Variants in TAFA5 observed in about 807,000 individuals in gnomAD.
The protein encoded by TAFA5 is TAFA chemokine like family member 5.
TAFA5 carries 6 observed loss-of-function variants against 15.3 expected under a neutral mutation model. The observed-to-expected ratio is 0.39, with a 90% CI of 0.21 to 0.77. The LOEUF is 0.77. Ranked by LOEUF, TAFA5 falls within the 30% of genes least tolerant of loss-of-function variation. The pLI, the probability that TAFA5 is intolerant of heterozygous loss-of-function variation, is 0.41. For missense variants in TAFA5, 161 were observed against 193.1 expected (o/e 0.83, Z 0.98); for synonymous variants, 103 against 80.7 (o/e 1.28, Z -1.48).
At position 48,751,388 on chromosome 22, in the gene TAFA5, C is replaced by T. The variant is rs371616960; in HGVS notation, c.*1541C>T. 13 of 152,540 alleles carry T rather than the reference C, an allele frequency of 8.5e-5. No homozygotes were observed. The highest frequency in any genetic ancestry group is 2.6e-4 in the African/African-American group (11 of 41,542). The allele number at this position is 152,540 out of a possible 1,614,324, so 9.4% of individuals were successfully genotyped here. On this transcript the variant is annotated 3_prime_UTR_variant, in exon 4 of 4. Coordinates refer to ENST00000402357, the MANE Select transcript of TAFA5 (RefSeq NM_001082967.3). ...ACAATTCTGGTTTTTCTCCCCTGGC[C>T]GTCGTTCGCCAGCCTCCTTCATTTT...
chr22:48,523,888 G>A (rs1226281138), intron 1 of TAFA5, among the ~76,000 whole-genome samples: 1 of 152,128 alleles, frequency 6.6e-6, no homozygotes. Context: ...GGCGGCTGGC[G>A]CTGGCCTTTG....
At chr22:48,584,843 GCA>G (rs918627568) in intron 1 of TAFA5, among the ~76,000 whole-genome samples, 3 of 139,596 alleles carry the variant, frequency 2.1e-5, no homozygotes, top group African/African-American at 8.2e-5. Context: ...ACAACACACA[GCA>G]CACAACACGC....
chr22:48,693,109 T>C lies in TAFA5; in HGVS notation c.263-14608T>C, dbSNP rs187019026. ...CTGCCCTTCGACCCTGTCCGCCCAC[T>C]CGGATTCCCAGTAGCTGAGCGCAGG... On this transcript the variant is annotated intron_variant, in intron 2 of 3. Transcript: ENST00000402357. 3,171 of 625,522 alleles carry C rather than the reference T, an allele frequency of 5.1e-3. 13 individuals carry two copies. Among genetic ancestry groups the C allele is most frequent in the Non-Finnish European group, 6.3e-3 (2,278 of 363,044 alleles). 38.7% of individuals were successfully genotyped at this position (625,522 alleles called of 1,614,324 possible). A position where few individuals can be genotyped will look rare whatever the true frequency, so the allele number is the denominator to read the frequency against.
chr22:48,654,058 G>A lies in TAFA5; in HGVS notation c.262+7312G>A, dbSNP rs139726860. 2.1e-3 allele frequency among the ~76,000 whole-genome samples: 327 copies of A among 152,216 alleles called. 1 individual carries two copies. The highest frequency in any genetic ancestry group is 0.014 in the Middle Eastern group (4 of 294). On this transcript the variant is annotated intron_variant, in intron 2 of 3. Coordinates refer to ENST00000402357, the MANE Select transcript of TAFA5 (RefSeq NM_001082967.3). ...CCTTGCTCTAGCCTCTCCATGTCCC[G>A]TCACGTCGGCACGGTGGCTCTGCAG...
At chr22:48,496,375 C>T (rs1252475250) in intron 1 of TAFA5, among the ~76,000 whole-genome samples, 1 of 151,802 alleles carries the variant, frequency 6.6e-6, no homozygotes, top group Non-Finnish European at 1.5e-5. Context: ...TGACTGTGGG[C>T]TCTCTGGACA....
intron 1 of TAFA5, among the ~76,000 whole-genome samples, chr22:48,493,725 G>A (rs1027790104): frequency 6.6e-6 from 1 of 152,110 alleles, no homozygotes; most frequent in African/African-American, 2.4e-5. Context: ...TCTTTTAGCC[G>A]ACATCCATGC....
At position 48,622,733 on chromosome 22, in the gene TAFA5, G is replaced by A. The variant is rs17763975; in HGVS notation, c.113-23864G>A. On this transcript the variant is annotated intron_variant, in intron 1 of 3. Transcript: ENST00000402357. The stretch of plus-strand genomic sequence containing the variant: ...TTCCCGGAGGAGGTGGTATCGATGC[G>A]GGACAGCCCACGCTGCAGGCTCAGC... 5.8e-3 allele frequency among the ~76,000 whole-genome samples: 883 copies of A among 152,328 alleles called. 6 individuals are homozygous for A. Among genetic ancestry groups the A allele is most frequent in the Non-Finnish European group, 9.0e-3 (611 of 68,032 alleles).
chr22:48,689,493 C>T lies in TAFA5; in HGVS notation c.263-18224C>T, dbSNP rs563120719. ...CCAGAAGCACAGGGTCGGGTTCTGA[C>T]GCCTGAGGAACCTGCGCAGACTTGA... On this transcript the variant is annotated intron_variant, in intron 2 of 3. Transcript: ENST00000402357. 1.7e-3 allele frequency among the ~76,000 whole-genome samples: 256 copies of T among 152,288 alleles called. 2 individuals carry two copies. Among genetic ancestry groups the T allele is most frequent in the Non-Finnish European group, 3.0e-3 (201 of 68,020 alleles).
intron 3 of TAFA5, among the ~76,000 whole-genome samples, chr22:48,713,728 T>C (rs1363027283): frequency 6.6e-6 from 1 of 152,198 alleles, no homozygotes; most frequent in Non-Finnish European, 1.5e-5. Context: ...ACAGCCCCTG[T>C]CCCAGTGGAT....
At chr22:48,534,862 C>T (rs1922098788) in intron 1 of TAFA5, among the ~76,000 whole-genome samples, 1 of 152,000 alleles carries the variant, frequency 6.6e-6, no homozygotes, top group Non-Finnish European at 1.5e-5. Flanking sequence ...GGAGGCTTGG[C>T]CGTGGAGGGA....
intron 2 of TAFA5, among the ~76,000 whole-genome samples, chr22:48,679,075 T>TCTCCCGGCTCCGC: frequency 1.6e-5 from 1 of 62,678 alleles, no homozygotes; most frequent in East Asian, 6.2e-4. Flanking sequence ...CCCGTCTCCC[T>TCTCCCGGCTCCGC]GTCCATCCCT....
intron 1 of TAFA5, among the ~76,000 whole-genome samples, chr22:48,571,301 A>G (rs1171017510): frequency 2.8e-5 from 4 of 143,466 alleles, no homozygotes; most frequent in African/African-American, 1.0e-4. Context: ...TTTGAGACAA[A>G]GTCTCGCTCT....
chr22:48,644,094 C>T (rs1335502913), intron 1 of TAFA5, among the ~76,000 whole-genome samples: 1 of 152,224 alleles, frequency 6.6e-6, no homozygotes, highest in Non-Finnish European at 1.5e-5. Context: ...ATGCTCTTTC[C>T]TCGTGGTATT....
chr22:48,628,142 G>T (rs542561641), intron 1 of TAFA5, among the ~76,000 whole-genome samples: 1 of 152,294 alleles, frequency 6.6e-6, no homozygotes, highest in African/African-American at 2.4e-5. Flanking sequence ...TTGGGGTTGA[G>T]GTGGACTTGG....
intron 1 of TAFA5, among the ~76,000 whole-genome samples, chr22:48,506,271 G>A (rs1251299043): frequency 1.3e-5 from 2 of 152,180 alleles, no homozygotes; most frequent in Non-Finnish European, 2.9e-5. Context: ...AGCACAATCC[G>A]TGCAGCCTTA....
intron 1 of TAFA5, among the ~76,000 whole-genome samples, chr22:48,607,073 C>G (rs894837074): frequency 6.6e-6 from 1 of 152,222 alleles, no homozygotes; most frequent in Admixed American, 6.5e-5. Context: ...AAGCTGTGTC[C>G]CTACACAGTG....
intron 2 of TAFA5, among the ~76,000 whole-genome samples, chr22:48,656,112 A>C (rs1178954486): frequency 6.6e-6 from 1 of 151,676 alleles, no homozygotes; most frequent in East Asian, 1.9e-4. Flanking sequence ...AAAGAGCTGC[A>C]ATTACAGGTG....
At chr22:48,738,325 T>C (rs1250442321) in intron 3 of TAFA5, among the ~76,000 whole-genome samples, 2 of 152,180 alleles carry the variant, frequency 1.3e-5, no homozygotes, top group Non-Finnish European at 2.9e-5. Flanking sequence ...ACTGCGTGGA[T>C]TGTGATGTCA....
chr22:48,673,836 C>G (rs963472400), intron 2 of TAFA5, among the ~76,000 whole-genome samples: 9 of 152,140 alleles, frequency 5.9e-5, no homozygotes, highest in Non-Finnish European at 1.5e-5. Context: ...CCTGCCAACC[C>G]ACAGGTTCTT....
Sources: gnomAD v4.1 joint callset for allele counts (sites outside exome capture counted in the v4.1 genomes callset) on GRCh38, gnomAD v4.1.1 for gene constraint, MANE v1.5 for transcripts, NCBI Gene and HGNC (gene_info 2026-07-23, HGNC 2026-07-21) for gene names.